POC1B: variants seen among roughly 807,000 people sequenced by gnomAD.
POC1B encodes POC1 centriolar protein homolog B.
Under a neutral mutation model 60.6 loss-of-function variants are expected in POC1B, and 44 were observed. The observed-to-expected ratio is 0.73, with a 90% CI of 0.57 to 0.93. POC1B has a LOEUF of 0.93. Among genes scored for constraint, POC1B ranks in the 40% least tolerant of loss-of-function variants. The pLI, the probability that POC1B is intolerant of heterozygous loss-of-function variation, is 0.00. For synonymous variants in POC1B, 180 were observed against 198.9 expected, an observed-to-expected ratio of 0.90 and a Z score of 0.80; for missense variants, 555 against 572.3, an observed-to-expected ratio of 0.97 and a Z score of 0.31.
At chr12:89,422,576 A>C (rs1247292794) in intron 11 of POC1B, among the ~76,000 whole-genome samples, 1 of 152,230 alleles carries the variant, frequency 6.6e-6, no homozygotes. Flanking sequence ...GTGGTGGCCT[A>C]TTCTCTGATT....
At chr12:89,490,196 G>A (rs1052502202) in intron 4 of POC1B, among the ~76,000 whole-genome samples, 7 of 152,078 alleles carry the variant, frequency 4.6e-5, no homozygotes, top group African/African-American at 1.7e-4. Context: ...ACCACCTGGT[G>A]GGGAGAAAAA....
chr12:89,428,826 G>T (rs1435354646), intron 10 of POC1B: 2 of 152,212 alleles, frequency 1.3e-5, no homozygotes, highest in African/African-American at 4.8e-5. Context: ...AAAGTGCTGG[G>T]ATTACAGGAG....
At chr12:89,471,566 A>G (rs376279725) in intron 6 of POC1B, 48 bp downstream of exon 6, 15 of 1,429,200 alleles carry the variant, frequency 1.0e-5, no homozygotes, top group South Asian at 3.5e-5. Flanking sequence ...CAGTCCTTCC[A>G]AAAGGAGTCC....
chr12:89,453,412 G>A (rs1882133393), intron 10 of POC1B, among the ~76,000 whole-genome samples: 1 of 152,116 alleles, frequency 6.6e-6, no homozygotes, highest in African/African-American at 2.4e-5. Context: ...TCCTATAAAT[G>A]CCTAAGTTCA....
rs57436691 is a variant in POC1B at position 89,508,123 on chromosome 12, G to A, written c.101-10781C>T. On this transcript the variant is annotated intron_variant, in intron 2 of 11. Transcript: ENST00000313546. Reference sequence around the variant, plus strand: ...GGGAATCCTTTGTGCTTATACAAATGTGTGTGTCTATTCTCATATGCTTTT... The same window carrying A: ...GGGAATCCTTTGTGCTTATACAAATATGTGTGTCTATTCTCATATGCTTTT... Among the ~76,000 whole-genome samples the A allele has an allele frequency of 5.8e-3, 881 of 152,296 alleles. 11 individuals carry two copies. Among genetic ancestry groups the A allele is most frequent in the African/African-American group, 0.021 (854 of 41,548 alleles).
At position 89,497,789 on chromosome 12, in the gene POC1B, C is replaced by T. The variant is rs1299624539; in HGVS notation, c.101-447G>A. On this transcript the variant is annotated intron_variant, in intron 2 of 11. Coordinates refer to ENST00000313546, the MANE Select transcript of POC1B (RefSeq NM_172240.3). Reference sequence around the variant, plus strand: ...CTGTTTATGTGGAAATAATTTCACACTTACAGAAAAGTTACAAGAATAGTA... The same window carrying T: ...CTGTTTATGTGGAAATAATTTCACATTTACAGAAAAGTTACAAGAATAGTA... Among the ~76,000 whole-genome samples the T allele has an allele frequency of 2.0e-5, 3 of 151,568 alleles. No homozygotes were observed. In the East Asian group the frequency reaches 5.8e-4, roughly 29 times the overall value.
intron 5 of POC1B, 101 bp from the exon 6 acceptor site, chr12:89,471,830 C>T: frequency 1.4e-6 from 1 of 709,660 alleles, no homozygotes; most frequent in Non-Finnish European, 2.3e-6. Context: ...TGCAGTGGCG[C>T]AATGTCAGCT....
intron 10 of POC1B, among the ~76,000 whole-genome samples, chr12:89,441,157 C>G (rs542351967): frequency 1.7e-3 from 257 of 152,336 alleles, no homozygotes; most frequent in Middle Eastern, 0.014. Context: ...TCAAGGAGGC[C>G]TGCCCACCTC....
At chr12:89,523,064 AC>A (rs1196417962) in intron 2 of POC1B, 2 of 1,613,694 alleles carry the variant, frequency 1.2e-6, no homozygotes, top group African/African-American at 2.7e-5. Context: ...ACAGAATTAA[AC>A]CTTATTTCTT....
downstream of POC1B, among the ~76,000 whole-genome samples, chr12:89,419,381 G>GC (rs1292254681): frequency 6.6e-6 from 1 of 152,174 alleles, no homozygotes; most frequent in Non-Finnish European, 1.5e-5. Context: ...AAGTTTCAAG[G>GC]CATCTGCATT....
downstream of POC1B, among the ~76,000 whole-genome samples, chr12:89,418,989 G>C (rs1009301833): frequency 3.3e-5 from 5 of 152,132 alleles, no homozygotes; most frequent in African/African-American, 1.2e-4. Context: ...GTAAGAAGTG[G>C]TCAGGTGTTT....
intron 10 of POC1B, among the ~76,000 whole-genome samples, chr12:89,442,095 C>G (rs145767920): frequency 1.3e-5 from 2 of 152,050 alleles, no homozygotes; most frequent in Non-Finnish European, 2.9e-5. Context: ...CCAAGAAATA[C>G]GGGACTATGT....
chr12:89,437,015 A>C (rs1881299459), intron 10 of POC1B, among the ~76,000 whole-genome samples: 1 of 150,448 alleles, frequency 6.6e-6, no homozygotes, highest in African/African-American at 2.4e-5. Flanking sequence ...GATATTCTTG[A>C]CTCTTCCCTC....
At position 89,420,945 on chromosome 12, in the gene POC1B, A is replaced by G; in HGVS notation, c.*208T>C. ...CTGCAATCATAAATGATAGTAATTT[A>G]AATTAGTCCTTCACATTGATATGTG... On this transcript the variant is annotated 3_prime_UTR_variant, in exon 12 of 12. Transcript: ENST00000313546. 4.7e-6 allele frequency: 2 copies of G among 423,838 alleles called. No homozygotes were observed. The highest frequency in any genetic ancestry group is 8.4e-6 in the Non-Finnish European group (2 of 237,478). The allele number at this position is 423,838 out of a possible 1,614,324, so 26.3% of individuals were successfully genotyped here. A position where few individuals can be genotyped will look rare whatever the true frequency, so the allele number is the denominator to read the frequency against.
intron 2 of POC1B, chr12:89,519,285 A>G (rs1870649909): frequency 6.6e-6 from 1 of 152,202 alleles, no homozygotes; most frequent in African/African-American, 2.4e-5. Context: ...GGGAATTTTG[A>G]CTTTTTAAAT....
chr12:89,443,964 T>C (rs1221616333), intron 10 of POC1B, among the ~76,000 whole-genome samples: 1 of 151,762 alleles, frequency 6.6e-6, no homozygotes, highest in Non-Finnish European at 1.5e-5. Context: ...CATCAGAAAA[T>C]AACATAAACA....
chr12:89,402,835 G>A, the POC1B span, among the ~76,000 whole-genome samples: 2 of 152,034 alleles, frequency 1.3e-5, no homozygotes, highest in African/African-American at 4.8e-5. Flanking sequence ...CGCCTCCCAG[G>A]TTCAAGCAAT....
At chr12:89,404,712 C>T in the POC1B span, among the ~76,000 whole-genome samples, 5 of 152,266 alleles carry the variant, frequency 3.3e-5, no homozygotes, top group East Asian at 3.9e-4. Context: ...TTGCCACAAT[C>T]GAGAGTCTTG....
At chr12:89,524,515 C>G in intron 2 of POC1B, 1 of 1,612,056 alleles carries the variant, frequency 6.2e-7, no homozygotes, top group Non-Finnish European at 8.5e-7. Context: ...CAGCAGCAGG[C>G]AGCTCTTGCC....
Sources: allele counts gnomAD v4.1 joint callset (sites outside exome capture counted in the v4.1 genomes callset), GRCh38; gene constraint gnomAD v4.1.1; transcripts MANE v1.5; gene names NCBI Gene and HGNC (gene_info 2026-07-23, HGNC 2026-07-21).